Variants in NOX3 observed in about 807,000 individuals in gnomAD.
NOX3 encodes NADPH oxidase catalytic subunit-like 3.
In NOX3, 74 loss-of-function variants were observed where a neutral mutation model predicts 76.7. The ratio of observed to expected loss-of-function variants is 0.96; its 90% CI spans 0.80 to 1.17. The LOEUF (loss-of-function observed/expected upper bound fraction) is 1.17, where lower values mean the gene tolerates loss of function less well. Among genes scored for constraint, NOX3 ranks in the 50% most tolerant of loss-of-function variants. NOX3 has a pLI of 0.00. For synonymous variants in NOX3, 263 were observed against 261.1 expected (o/e 1.01, Z -0.07); for missense variants, 695 against 703.3 (o/e 0.99, Z 0.13).
intron 9 of NOX3, among the ~76,000 whole-genome samples, chr6:155,426,214 G>T (rs549652570): frequency 4.7e-4 from 72 of 152,288 alleles, no homozygotes; most frequent in Admixed American, 9.8e-4. Flanking sequence ...ACAAATTAGT[G>T]AATGGAGGGA....
chr6:155,411,581 C>G (rs1477396811), intron 10 of NOX3, among the ~76,000 whole-genome samples: 1 of 152,154 alleles, frequency 6.6e-6, no homozygotes, highest in Non-Finnish European at 1.5e-5. Flanking sequence ...TTCAGAGAGT[C>G]AGGAGCCTGT....
At position 155,440,138 on chromosome 6, in the gene NOX3, C is replaced by G; in HGVS notation, c.487-1G>C. The G allele has an allele frequency of 6.5e-7, 1 of 1,537,264 alleles. No individual in the cohort carries two copies. Among genetic ancestry groups the G allele is most frequent in the Non-Finnish European group, 8.7e-7 (1 of 1,144,294 alleles). ...TCCTTAGCAATTCAGTGGTTGTGTT[C>G]TAAAAAAAACAACAACAACAAAAAA... On this transcript the variant is annotated splice_acceptor_variant, in intron 5 of 13. Transcript: ENST00000159060. LOFTEE classifies it high-confidence loss of function.
intron 10 of NOX3, among the ~76,000 whole-genome samples, chr6:155,422,239 G>C (rs1269779740): frequency 6.6e-6 from 1 of 152,140 alleles, no homozygotes; most frequent in African/African-American, 2.4e-5. Context: ...ATTCAGAGCG[G>C]GATGGCCACC....
At chr6:155,396,781 C>T in intron 13 of NOX3, 28 bp downstream of exon 13, 1 of 1,567,846 alleles carries the variant, frequency 6.4e-7, no homozygotes, top group Non-Finnish European at 8.7e-7. Context: ...TTTCCCAATC[C>T]CTGACCTGTA....
chr6:155,442,243 A>G (rs1175896175), intron 5 of NOX3, among the ~76,000 whole-genome samples: 2 of 152,202 alleles, frequency 1.3e-5, no homozygotes, highest in African/African-American at 2.4e-5. Context: ...CAGCTCTGGC[A>G]ACAGAGTGAG....
chr6:155,411,724 C>T (rs183581525), intron 10 of NOX3, among the ~76,000 whole-genome samples: 1 of 152,150 alleles, frequency 6.6e-6, no homozygotes, highest in African/African-American at 2.4e-5. Context: ...TTAGACCAAC[C>T]CCTTCATCTT....
In NOX3 at chr6:155,443,573, G is replaced by T. The variant is rs764252448; in HGVS notation, c.341-155C>A. 3.7e-4 allele frequency among the ~76,000 whole-genome samples: 57 copies of T among 152,154 alleles called. 1 individual carries two copies. The highest frequency in any genetic ancestry group is 8.1e-4 in the Non-Finnish European group (55 of 68,044). On this transcript the variant is annotated intron_variant, in intron 4 of 13. Coordinates refer to ENST00000159060, the MANE Select transcript of NOX3 (RefSeq NM_015718.3). ...ATTTACACATCTTTCCCAGTGCTTT[G>T]AGTGGAGTGGATTGAATACTTCCAA...
intron 6 of NOX3, among the ~76,000 whole-genome samples, chr6:155,437,113 A>G (rs1228910430): frequency 6.6e-6 from 1 of 152,218 alleles, no homozygotes. Context: ...GTATTGATAC[A>G]TTTAGGAATG....
intron 9 of NOX3, among the ~76,000 whole-genome samples, chr6:155,427,413 T>C (rs1776771832): frequency 6.6e-6 from 1 of 152,336 alleles, no homozygotes; most frequent in East Asian, 1.9e-4. Context: ...TAAATATTTG[T>C]CAAACTAAAT....
intron 12 of NOX3, among the ~76,000 whole-genome samples, chr6:155,402,310 C>A (rs1472663025): frequency 6.6e-6 from 1 of 152,108 alleles, no homozygotes; most frequent in Non-Finnish European, 1.5e-5. Context: ...CTTTATCTAA[C>A]TGAAATACTA....
intron 10 of NOX3, among the ~76,000 whole-genome samples, chr6:155,420,745 A>G (rs182573790): frequency 2.6e-5 from 4 of 152,342 alleles, no homozygotes; most frequent in Admixed American, 2.6e-4. Flanking sequence ...AAAAGATGGC[A>G]TGAGATAGTG....
rs567388180 is a variant in NOX3, at chr6:155,419,285, T to C, written c.1308+3409A>G. ...TTAAGGAATTGGATCTGAACTGTAA[T>C]TTTCAGCCCAAACTTTCAATAGCAT... On this transcript the variant is annotated intron_variant, in intron 10 of 13. Coordinates refer to ENST00000159060, the MANE Select transcript of NOX3 (RefSeq NM_015718.3). Among the ~76,000 whole-genome samples, 3 of 152,344 alleles carry C rather than the reference T, an allele frequency of 2.0e-5. No individual in the cohort carries two copies. The East Asian group carries it at 5.8e-4, about 29-fold the overall frequency.
chr6:155,413,408 C>G (rs188932375), intron 10 of NOX3, among the ~76,000 whole-genome samples: 1 of 151,706 alleles, frequency 6.6e-6, no homozygotes, highest in East Asian at 1.9e-4. Flanking sequence ...ACTTTCCCTC[C>G]GAGAGACAGG....
intron 4 of NOX3, among the ~76,000 whole-genome samples, chr6:155,445,025 G>C (rs1056210652): frequency 6.6e-6 from 1 of 152,182 alleles, no homozygotes; most frequent in African/African-American, 2.4e-5. Flanking sequence ...TCTAAATGAA[G>C]AGAACAAGCT....
At position 155,440,101 on chromosome 6, in the gene NOX3, C is replaced by T. The variant is rs773010080; in HGVS notation, c.523G>A (p.Val175Ile). Reference protein sequence around the residue: ...TTELLRTIAGVTGLVISLALV... With the variant: ...TTELLRTIAGITGLVISLALV... ...GCCAGAGAGATCACCAGACCGGTGA[C>T]GCCTGCTATTGTCCTTAGCAATTCA... Residue 175 changes from valine to isoleucine, a missense_variant, in exon 6 of 14, where the codon GTC becomes ATC. Coordinates refer to ENST00000159060, the MANE Select transcript of NOX3 (RefSeq NM_015718.3). 130 of 1,612,224 alleles carry T rather than the reference C, an allele frequency of 8.1e-5. No individual in the cohort carries two copies. Among genetic ancestry groups the T allele is most frequent in the Admixed American group, 1.3e-4 (8 of 59,828 alleles).
At chr6:155,421,407 C>T (rs1776687189) in intron 10 of NOX3, among the ~76,000 whole-genome samples, 1 of 152,140 alleles carries the variant, frequency 6.6e-6, no homozygotes, top group Non-Finnish European at 1.5e-5. Context: ...ACTGCTGTTT[C>T]TTAGTTGGCA....
In NOX3 at chr6:155,432,959, T is replaced by C. The variant is rs937447953; in HGVS notation, c.799-2024A>G. Among the ~76,000 whole-genome samples, 79 of 152,280 alleles carry C rather than the reference T, an allele frequency of 5.2e-4. 3 individuals are homozygous for C. The highest frequency in any genetic ancestry group is 9.6e-5 in the African/African-American group (4 of 41,556). ...TTTTGAGAATTGCTTTGGATGTTTA[T>C]AGAAATGAGAGCAAGAATGCAGTTC... On this transcript the variant is annotated intron_variant, in intron 7 of 13. Transcript: ENST00000159060.
At chr6:155,413,177 G>C (rs879384841) in intron 10 of NOX3, among the ~76,000 whole-genome samples, 1 of 152,158 alleles carries the variant, frequency 6.6e-6, no homozygotes, top group African/African-American at 2.4e-5. Context: ...CATGAGAAGG[G>C]GACATTGGAG....
intron 5 of NOX3, among the ~76,000 whole-genome samples, chr6:155,442,955 A>C (rs570520903): frequency 6.6e-6 from 1 of 152,192 alleles, no homozygotes; most frequent in Non-Finnish European, 1.5e-5. Flanking sequence ...GTGAAAAAAT[A>C]TCTAATCCTG....
Sources: gnomAD v4.1 joint callset for allele counts (sites outside exome capture counted in the v4.1 genomes callset) on GRCh38, gnomAD v4.1.1 for gene constraint, MANE v1.5 for transcripts, NCBI Gene and HGNC (gene_info 2026-07-23, HGNC 2026-07-21) for gene names.